Variants in NWD2 observed in about 807,000 individuals in gnomAD.
The protein encoded by NWD2 is NACHT and WD repeat domain-containing protein 2.
In NWD2, 37 loss-of-function variants were observed where a neutral mutation model predicts 132.7. The observed-to-expected ratio is 0.28, with a 90% confidence interval of 0.21 to 0.37. The LOEUF (loss-of-function observed/expected upper bound fraction) is 0.37, where lower values mean the gene tolerates loss of function less well. Ranked by LOEUF, NWD2 falls within the 10% of genes least tolerant of loss-of-function variation. The pLI is 1.00. For missense variants in NWD2, 1,592 were observed against 2,122.4 expected (o/e 0.75, Z 4.91); for synonymous variants, 705 against 803.0 (o/e 0.88, Z 2.06).
At chr4:37,247,833 C>T (rs773940458) in intron 1 of NWD2, among the ~76,000 whole-genome samples, 4 of 152,180 alleles carry the variant, frequency 2.6e-5, no homozygotes, top group African/African-American at 9.6e-5. Flanking sequence ...TGGTCTCAAA[C>T]TCCTGACCTC....
chr4:37,260,920 T>G (rs897117817), intron 1 of NWD2, among the ~76,000 whole-genome samples: 1 of 152,202 alleles, frequency 6.6e-6, no homozygotes, highest in African/African-American at 2.4e-5. Flanking sequence ...TAGTAGAGGT[T>G]GAAAATTCAG....
intron 1 of NWD2, among the ~76,000 whole-genome samples, chr4:37,255,970 A>C (rs1161419431): frequency 6.6e-6 from 1 of 152,236 alleles, no homozygotes; most frequent in Non-Finnish European, 1.5e-5. Context: ...GATTTTGAAA[A>C]ATATTTGAAA....
chr4:37,321,666 A>G (rs926041114), intron 1 of NWD2, among the ~76,000 whole-genome samples: 5 of 152,312 alleles, frequency 3.3e-5, no homozygotes, highest in African/African-American at 1.2e-4. Context: ...ATTGTGAACC[A>G]TCCAGATTTG....
chr4:37,407,707 G>A (rs748036590), intron 3 of NWD2, among the ~76,000 whole-genome samples: 2 of 152,248 alleles, frequency 1.3e-5, no homozygotes, highest in African/African-American at 4.8e-5. Context: ...TAGACAAAGT[G>A]TGGAGTTAAA....
intron 3 of NWD2, among the ~76,000 whole-genome samples, chr4:37,366,992 T>C (rs892671731): frequency 1.3e-5 from 2 of 152,204 alleles, no homozygotes; most frequent in African/African-American, 4.8e-5. Context: ...TTAACATTTA[T>C]AGAATGCCAC....
chr4:37,449,071 G>T lies in NWD2; in HGVS notation c.*1854G>T, dbSNP rs937941875. The T allele has an allele frequency of 2.6e-5, 4 of 152,310 alleles. No homozygotes were observed. Among genetic ancestry groups the T allele is most frequent in the Admixed American group, 2.0e-4 (3 of 15,302 alleles). 9.4% of individuals were successfully genotyped at this position (152,310 alleles called of 1,614,324 possible). A position where few individuals can be genotyped will look rare whatever the true frequency, so the allele number is the denominator to read the frequency against. On this transcript the variant is annotated 3_prime_UTR_variant, in exon 7 of 7. Transcript: ENST00000309447. ...AACCACATACAGATCACCTGGAGTT[G>T]ATTATATGAGTCTATGCTTTTGAGC...
chr4:37,272,569 G>A (rs1164524442), intron 1 of NWD2, among the ~76,000 whole-genome samples: 1 of 151,672 alleles, frequency 6.6e-6, no homozygotes, highest in African/African-American at 2.4e-5. Flanking sequence ...ATAAAATTGT[G>A]CATATTCGTT....
chr4:37,244,995 C>G lies in NWD2; in HGVS notation c.-73C>G, dbSNP rs1005918780. On this transcript the variant is annotated 5_prime_UTR_variant, in exon 1 of 7. Transcript: ENST00000309447. The surrounding 1 kb of genome is among the most constrained non-coding windows in gnomAD (Gnocchi z 5.5). The stretch of plus-strand genomic sequence containing the variant: ...AGATCGACCGCCTGCTGAGCCGTTC[C>G]GTGGAGCTGCGGGCAGGAACCCGAG... 2 of 1,527,678 alleles carry G rather than the reference C, an allele frequency of 1.3e-6. No homozygotes were observed. The allele number at this position is 1,527,678 out of a possible 1,614,324, so 94.6% of individuals were successfully genotyped here. A position where few individuals can be genotyped will look rare whatever the true frequency, so the allele number is the denominator to read the frequency against.
rs2109331343 is a variant in NWD2, at chr4:37,444,475, T to C, written c.2487T>C (p.Val829=). The C allele has an allele frequency of 6.4e-7, 1 of 1,551,866 alleles. No individual in the cohort carries two copies. The highest frequency in any genetic ancestry group is 2.4e-5 in the East Asian group (1 of 40,918). ...CNPLEPDIFF[V]NHRKMSELLY... ...CCCTGGAACCTGACATCTTTTTCGT[T>C]AATCATCGGAAAATGTCTGAGCTGT... The change falls in exon 7 of 7, where the codon GTT becomes GTC. Residue 829 remains valine, a synonymous_variant. Coordinates refer to ENST00000309447, the MANE Select transcript of NWD2 (RefSeq NM_001144990.2). The surrounding 1 kb of genome is among the most constrained non-coding windows in gnomAD (Gnocchi z 4.8).
intron 3 of NWD2, among the ~76,000 whole-genome samples, chr4:37,377,001 T>C (rs1342346902): frequency 1.3e-5 from 2 of 152,224 alleles, no homozygotes; most frequent in Non-Finnish European, 2.9e-5. Context: ...TGAGATGTCA[T>C]GATTCCATCT....
intron 2 of NWD2, among the ~76,000 whole-genome samples, chr4:37,341,392 ATATC>A (rs1719520171): frequency 6.6e-6 from 1 of 152,252 alleles, no homozygotes; most frequent in South Asian, 2.1e-4. Context: ...AGAAGAATCT[ATATC>A]TATATTTGCA....
intron 2 of NWD2, among the ~76,000 whole-genome samples, chr4:37,347,760 A>G (rs956434541): frequency 1.3e-5 from 2 of 152,224 alleles, no homozygotes; most frequent in African/African-American, 4.8e-5. Flanking sequence ...GAGCAAGTAT[A>G]TATTTATAGC....
In NWD2 at chr4:37,448,943, T is replaced by C. The variant is rs981116280; in HGVS notation, c.*1726T>C. The C allele has an allele frequency of 2.0e-5, 3 of 152,222 alleles. No individual in the cohort carries two copies. The highest frequency in any genetic ancestry group is 4.8e-5 in the African/African-American group (2 of 41,454). 9.4% of individuals were successfully genotyped at this position (152,222 alleles called of 1,614,324 possible). A position where few individuals can be genotyped will look rare whatever the true frequency, so the allele number is the denominator to read the frequency against. On this transcript the variant is annotated 3_prime_UTR_variant, in exon 7 of 7. Coordinates refer to ENST00000309447, the MANE Select transcript of NWD2 (RefSeq NM_001144990.2). ...AGTTTAACATGTAAGCGTTCAAAGATGTGATTCAGATAAAAATACCCAGGT... is the reference window on the plus strand; with the variant it reads ...AGTTTAACATGTAAGCGTTCAAAGACGTGATTCAGATAAAAATACCCAGGT...
chr4:37,335,303 G>GGC (rs1560397972), intron 2 of NWD2, among the ~76,000 whole-genome samples: 1 of 55,550 alleles, frequency 1.8e-5, no homozygotes, highest in Non-Finnish European at 3.7e-5. Context: ...GGGTGGGCGG[G>GGC]GGGGGGGGGC....
chr4:37,443,899 C>T lies in NWD2; in HGVS notation c.1911C>T (p.Thr637=), dbSNP rs73133791. The T allele has an allele frequency of 2.9e-4, 445 of 1,552,242 alleles. No individual in the cohort carries two copies. In the African/African-American group the frequency reaches 4.9e-3, roughly 17 times the overall value. The stretch of plus-strand genomic sequence containing the variant: ...TCGATGAATCCTCCCTCTCTGTCAC[C>T]GTTCATGAAAGTATAGAGCAGTTAT... ...KDVDESSLSV[T]VHESIEQLFW... Residue 637 remains threonine, a synonymous_variant, in exon 7 of 7, where the codon ACC becomes ACT. Coordinates refer to ENST00000309447, the MANE Select transcript of NWD2 (RefSeq NM_001144990.2). This position sits in a 1 kb window ranked among gnomAD's most constrained non-coding sequence, Gnocchi z 4.1.
chr4:37,249,325 G>A (rs1717305771), intron 1 of NWD2, among the ~76,000 whole-genome samples: 1 of 152,134 alleles, frequency 6.6e-6, no homozygotes, highest in African/African-American at 2.4e-5. Context: ...GGAGATTTTT[G>A]GAATTGCAGG....
intron 1 of NWD2, among the ~76,000 whole-genome samples, chr4:37,299,653 G>A (rs1271384194): frequency 6.6e-6 from 1 of 152,132 alleles, no homozygotes; most frequent in African/African-American, 2.4e-5. Flanking sequence ...TGGGTGCAGG[G>A]TGGAGCCTCT....
chr4:37,392,399 G>T (rs898241862), intron 3 of NWD2, among the ~76,000 whole-genome samples: 1 of 152,032 alleles, frequency 6.6e-6, no homozygotes, highest in Non-Finnish European at 1.5e-5. Context: ...CAGCTATACT[G>T]ACACCTTAGG....
chr4:37,303,903 A>C (rs1271260608), intron 1 of NWD2, among the ~76,000 whole-genome samples: 1 of 152,136 alleles, frequency 6.6e-6, no homozygotes, highest in Non-Finnish European at 1.5e-5. Context: ...TTCATTTCTT[A>C]CTTTCCAATG....
Sources: gnomAD v4.1 joint callset for allele counts (sites outside exome capture counted in the v4.1 genomes callset) on GRCh38, gnomAD v4.1.1 for gene constraint, Gnocchi (gnomAD v3.1) non-coding constraint, MANE v1.5 for transcripts, NCBI Gene and HGNC (gene_info 2026-07-23, HGNC 2026-07-21) for gene names.